Variants in HNRNPD observed in about 807,000 individuals in gnomAD.
The protein encoded by HNRNPD is heterogeneous nuclear ribonucleoprotein D0.
Under a neutral mutation model 47.9 loss-of-function variants are expected in HNRNPD, and 3 were observed. That is an observed-to-expected ratio of 0.06 (90% CI 0.03 to 0.16). The LOEUF is 0.16. HNRNPD is among the 10% of genes least tolerant of loss of function. HNRNPD has a pLI of 1.00. For missense variants in HNRNPD, 287 were observed against 454.2 expected (o/e 0.63, Z 3.35); for synonymous variants, 171 against 165.1 (o/e 1.04, Z -0.28).
rs766262015 is a variant in HNRNPD at position 82,358,849 on chromosome 4, AAT to A, written c.460-31_460-30del. ...AGGAAATTGAAGTTTTCATTTAAAA[AAT>A]ATATATCTTAACTGAAGTTCAGAGA... On this transcript the variant is annotated intron_variant, in intron 3 of 8. Transcript: ENST00000313899. The A allele has an allele frequency of 4.0e-6, 6 of 1,494,910 alleles. No homozygotes were observed. The East Asian group carries it at 1.4e-4, about 34-fold the overall frequency. The allele number at this position is 1,494,910 out of a possible 1,614,324, so 92.6% of individuals were successfully genotyped here.
chr4:82,366,559 T>A (rs555144619), intron 2 of HNRNPD, among the ~76,000 whole-genome samples: 4 of 152,236 alleles, frequency 2.6e-5, no homozygotes, highest in African/African-American at 9.6e-5. Context: ...GACAGTTTTT[T>A]AAATAAACTT....
chr4:82,364,115 T>A (rs528424333), intron 2 of HNRNPD, among the ~76,000 whole-genome samples: 1 of 152,196 alleles, frequency 6.6e-6, no homozygotes, highest in South Asian at 2.1e-4. Context: ...TAGCTCGGAC[T>A]ACAGGCACCC....
At chr4:82,364,608 T>C (rs2109996912) in intron 2 of HNRNPD, among the ~76,000 whole-genome samples, 1 of 152,304 alleles carries the variant, frequency 6.6e-6, no homozygotes, top group African/African-American at 2.4e-5. Flanking sequence ...TCTAATATTT[T>C]CAATGCTGCC....
intron 2 of HNRNPD, 61 bp from the exon 3 acceptor site, chr4:82,359,700 A>T: frequency 9.0e-7 from 1 of 1,109,274 alleles, no homozygotes; most frequent in South Asian, 1.9e-5. Flanking sequence ...TATTATCCAC[A>T]TCAATAACAC....
Position 82,373,661 on chromosome 4 carries a change from G to T in HNRNPD, c.18C>A (p.Phe6Leu), listed in dbSNP as rs868073840. ...CCGCTGCCGCCGCCCCGTCCCCGCC[G>T]AACTGCTCCTCCGACATAGTGCTAG... Reference protein sequence around the residue: MSEEQFGGDGAAAAAT... With the variant: MSEEQLGGDGAAAAAT... The change falls in exon 1 of 9, where the codon TTC becomes TTA. Residue 6 changes from phenylalanine to leucine, a missense_variant. Transcript: ENST00000313899. 1.0e-4 allele frequency: 155 copies of T among 1,527,400 alleles called. No individual in the cohort carries two copies. The African/African-American group carries it at 1.6e-3, about 16-fold the overall frequency. The allele number at this position is 1,527,400 out of a possible 1,614,324, so 94.6% of individuals were successfully genotyped here. A position where few individuals can be genotyped will look rare whatever the true frequency, so the allele number is the denominator to read the frequency against.
intron 8 of HNRNPD, 66 bp downstream of exon 8, chr4:82,355,238 A>G (rs1723666416): frequency 1.2e-6 from 1 of 865,836 alleles, no homozygotes; most frequent in South Asian, 1.5e-5. Context: ...GCATTGTTTT[A>G]TGAACAATAT....
intron 2 of HNRNPD, among the ~76,000 whole-genome samples, chr4:82,362,111 T>C (rs1719481677): frequency 1.3e-5 from 2 of 152,238 alleles, no homozygotes; most frequent in South Asian, 4.1e-4. Flanking sequence ...TGCCTTCTTA[T>C]ACTTCAAATA....
intron 1 of HNRNPD, 78 bp downstream of exon 1, chr4:82,373,368 C>T (rs1720196653): frequency 6.6e-7 from 1 of 1,504,588 alleles, no homozygotes; most frequent in Middle Eastern, 1.8e-4. Context: ...AGAGCGGGAA[C>T]CAGGCCTAAT....
In HNRNPD at chr4:82,352,598, T is replaced by C. The variant is rs1723542591; in HGVS notation, c.*1587A>G. On this transcript the variant is annotated 3_prime_UTR_variant, in exon 9 of 9. Coordinates refer to ENST00000313899, the MANE Select transcript of HNRNPD (RefSeq NM_031370.3). ...AACCCTAACACAAAAAATTTTCATT[T>C]ATTTTGACCATGAGTCAGCAAACTT... 1 of 152,212 alleles carries C rather than the reference T, an allele frequency of 6.6e-6. No homozygotes were observed. The highest frequency in any genetic ancestry group is 2.1e-4 in the South Asian group (1 of 4,830). The allele number at this position is 152,212 out of a possible 1,614,324, so 9.4% of individuals were successfully genotyped here. A position where few individuals can be genotyped will look rare whatever the true frequency, so the allele number is the denominator to read the frequency against.
At chr4:82,364,722 A>G (rs1007936713) in intron 2 of HNRNPD, among the ~76,000 whole-genome samples, 2 of 152,204 alleles carry the variant, frequency 1.3e-5, no homozygotes, top group Admixed American at 1.3e-4. Flanking sequence ...TAGCTTCCAA[A>G]ATCACCTTGA....
Position 82,373,495 on chromosome 4 carries a change from C to T in HNRNPD, c.184G>A (p.Glu62Lys). 1 of 1,550,378 alleles carries T rather than the reference C, an allele frequency of 6.5e-7. No individual in the cohort carries two copies. Among genetic ancestry groups the T allele is most frequent in the Non-Finnish European group, 8.7e-7 (1 of 1,146,616 alleles). ...GCGTCAATCTTCGCCCCCTCCGACT[C>T]GGCGCTGCCCCCTTCGGTGCCTCCA... ...ASGGTEGGSA[E>K]SEGAKIDASK... is the part of the protein sequence containing the mutation. Residue 62 changes from glutamate (E) to lysine (K), a missense_variant, in exon 1 of 9, where the codon GAG becomes AAG. By Grantham distance (56) the Glu-to-Lys change is moderately conservative (BLOSUM62 1). Around this residue, in one of 5 missense-constraint regions of HNRNPD, gnomAD observed 161 missense variants for 137.1 expected, o/e 1.17. Coordinates refer to ENST00000313899, the MANE Select transcript of HNRNPD (RefSeq NM_031370.3).
intron 2 of HNRNPD, among the ~76,000 whole-genome samples, chr4:82,362,991 T>C (rs1197220005): frequency 1.3e-5 from 2 of 152,064 alleles, no homozygotes; most frequent in South Asian, 4.1e-4. Flanking sequence ...TTGGCATACA[T>C]GCTCTCCCTC....
At position 82,355,407 on chromosome 4, in the gene HNRNPD, A is replaced by ATTT; in HGVS notation, c.1001-7_1001-6insAAA. ...CCCATAACCACTCTGCTGGTCTAAA[A>ATTT]TAAAACAAGTGTTAGAACCAGAACG... On this transcript the variant is annotated splice_region_variant and splice_polypyrimidine_tract_variant and intron_variant, in intron 7 of 8. Coordinates refer to ENST00000313899, the MANE Select transcript of HNRNPD (RefSeq NM_031370.3). 1 of 1,609,796 alleles carries ATTT rather than the reference A, an allele frequency of 6.2e-7. No individual in the cohort carries two copies. Among genetic ancestry groups the ATTT allele is most frequent in the South Asian group, 1.1e-5 (1 of 90,994 alleles).
intron 2 of HNRNPD, among the ~76,000 whole-genome samples, chr4:82,367,741 A>C (rs1451977658): frequency 6.6e-6 from 1 of 152,154 alleles, no homozygotes; most frequent in Non-Finnish European, 1.5e-5. Context: ...AAATATTCTT[A>C]AATACCTAGC....
At chr4:82,358,842 T>C in intron 3 of HNRNPD, 22 bp from the exon 4 acceptor site, 1 of 1,537,616 alleles carries the variant, frequency 6.5e-7, no homozygotes, top group Non-Finnish European at 8.8e-7. Context: ...GAAGTTTTCA[T>C]TTAAAAAATA....
At chr4:82,365,133 A>G (rs1288562374) in intron 2 of HNRNPD, among the ~76,000 whole-genome samples, 2 of 152,188 alleles carry the variant, frequency 1.3e-5, no homozygotes, top group Non-Finnish European at 2.9e-5. Flanking sequence ...CATAGCGATC[A>G]GCCTCCCAAA....
chr4:82,359,518 T>C lies in HNRNPD; in HGVS notation c.412A>G (p.Arg138Gly). 6.2e-7 allele frequency: 1 copy of C among 1,600,148 alleles called. No individual in the cohort carries two copies. Among genetic ancestry groups the C allele is most frequent in the Non-Finnish European group, 8.6e-7 (1 of 1,169,536 alleles). ...TTAAATAGCACAAAGCCAAAACCCC[T>C]TGATCGCCCTGTGATAGGATCTAAC... ...LKLDPITGRSRGFGFVLFKES... is the reference protein window; with the variant it reads ...LKLDPITGRSGGFGFVLFKES... Residue 138 changes from arginine to glycine, a missense_variant, in exon 3 of 9, where the codon AGG becomes GGG. Physicochemically the swap from Arg to Gly is moderately radical, Grantham distance 125 (BLOSUM62 -2). Transcript: ENST00000313899.
intron 7 of HNRNPD, 82 bp from the exon 8 acceptor site, chr4:82,355,483 C>A: frequency 2.0e-6 from 2 of 1,007,342 alleles, no homozygotes; most frequent in South Asian, 1.4e-5. Flanking sequence ...TAAACAATCT[C>A]AAAAAATTAA....
At chr4:82,362,001 C>T (rs968753432) in intron 2 of HNRNPD, among the ~76,000 whole-genome samples, 3 of 152,162 alleles carry the variant, frequency 2.0e-5, no homozygotes, top group African/African-American at 7.2e-5. Flanking sequence ...ATTATTCCAC[C>T]TCCCTTAAAG....
Sources: allele counts gnomAD v4.1 joint callset (sites outside exome capture counted in the v4.1 genomes callset), GRCh38; gene constraint gnomAD v4.1.1; regional missense constraint gnomAD v4.1.1; transcripts MANE v1.5; gene names NCBI Gene and HGNC (gene_info 2026-07-23, HGNC 2026-07-21).